WDR7: variants seen among roughly 807,000 people sequenced by gnomAD.
WDR7 encodes WD repeat domain 7.
Under a neutral mutation model 169.4 loss-of-function variants are expected in WDR7, and 46 were observed. The observed-to-expected ratio is 0.27, with a 90% CI of 0.21 to 0.35. WDR7 has a LOEUF of 0.35. WDR7 is among the 10% of genes least tolerant of loss of function. The pLI is 1.00. For synonymous variants in WDR7, 612 were observed against 666.8 expected (o/e 0.92, Z 1.27); for missense variants, 1,534 against 1,859.3 (o/e 0.83, Z 3.22).
chr18:56,850,585 C>T (rs1044713969), intron 20 of WDR7, among the ~76,000 whole-genome samples: 19 of 152,202 alleles, frequency 1.2e-4, no homozygotes, highest in Admixed American at 1.0e-3. Flanking sequence ...TCATGGCCCA[C>T]TGCAGCCTCA....
intron 16 of WDR7, among the ~76,000 whole-genome samples, chr18:56,759,521 ATAAT>A (rs1264813299): frequency 8.5e-5 from 13 of 152,190 alleles, no homozygotes; most frequent in Admixed American, 2.6e-4. Context: ...ATTCCTGAGT[ATAAT>A]TAATTAATAT....
chr18:56,700,252 C>CTTTTTTTTTTTTTTTTTTTTTTTTTTT (rs1226348026), intron 12 of WDR7, among the ~76,000 whole-genome samples: 1 of 67,234 alleles, frequency 1.5e-5, no homozygotes, highest in Non-Finnish European at 2.5e-5. Context: ...TTTTCATTTT[C>CTTTTTTTTTTTTTTTTTTTTTTTTTTT]TTTTTTTTTT....
At chr18:56,788,945 A>G (rs1221064025) in intron 19 of WDR7, among the ~76,000 whole-genome samples, 2 of 152,176 alleles carry the variant, frequency 1.3e-5, no homozygotes, top group African/African-American at 4.8e-5. Flanking sequence ...AAGACAAACT[A>G]TATTATGCAA....
At chr18:56,856,612 A>T (rs1016683238) in intron 20 of WDR7, among the ~76,000 whole-genome samples, 1 of 151,842 alleles carries the variant, frequency 6.6e-6, no homozygotes, top group Non-Finnish European at 1.5e-5. Context: ...AATGATCAAC[A>T]TTTTATTTAA....
At chr18:56,908,738 C>A (rs1033066827) in intron 21 of WDR7, among the ~76,000 whole-genome samples, 1 of 152,152 alleles carries the variant, frequency 6.6e-6, no homozygotes, top group Non-Finnish European at 1.5e-5. Flanking sequence ...CATGTAAACA[C>A]CCAGCACAGG....
At chr18:56,880,629 TAATA>T (rs1465682439) in intron 21 of WDR7, among the ~76,000 whole-genome samples, 4 of 152,202 alleles carry the variant, frequency 2.6e-5, no homozygotes, top group Admixed American at 6.5e-5. Flanking sequence ...ATGGGCATAT[TAATA>T]AATTTGTATA....
intron 16 of WDR7, among the ~76,000 whole-genome samples, chr18:56,767,156 T>C (rs1008510408): frequency 1.1e-4 from 16 of 152,230 alleles, no homozygotes; most frequent in Non-Finnish European, 1.9e-4. Flanking sequence ...GAATATCCAA[T>C]GCCCTGTGAA....
At chr18:57,018,472 G>A (rs752828799) in intron 26 of WDR7, among the ~76,000 whole-genome samples, 22 of 152,326 alleles carry the variant, frequency 1.4e-4, no homozygotes, top group Non-Finnish European at 3.1e-4. Context: ...CTGGACTGGT[G>A]AAGTGAAGAG....
chr18:56,945,380 G>A (rs1198311257), intron 25 of WDR7, among the ~76,000 whole-genome samples: 2 of 152,180 alleles, frequency 1.3e-5, no homozygotes, highest in African/African-American at 4.8e-5. Flanking sequence ...CAGTGTGACT[G>A]CCCTAGAATA....
At chr18:56,756,455 A>G (rs1321295886) in intron 14 of WDR7, 128 bp from the exon 15 acceptor site, 9 of 811,894 alleles carry the variant, frequency 1.1e-5, no homozygotes, top group Non-Finnish European at 1.6e-5. Context: ...GTTACTTTTC[A>G]TGATATAGGT....
At chr18:56,663,633 G>A (rs1788131) in intron 1 of WDR7, among the ~76,000 whole-genome samples, 686 of 3,062 alleles carry the variant, frequency 0.22, 9 homozygotes, top group Middle Eastern at 0.25. Context: ...CCACATATAT[G>A]CACAGCATAT....
chr18:56,907,964 T>A (rs1387122686), intron 21 of WDR7, among the ~76,000 whole-genome samples: 1 of 152,182 alleles, frequency 6.6e-6, no homozygotes, highest in Admixed American at 6.6e-5. Context: ...GAATGGCTTT[T>A]TGGCACTATC....
intron 20 of WDR7, among the ~76,000 whole-genome samples, chr18:56,876,122 C>T (rs556953963): frequency 2.6e-5 from 4 of 151,866 alleles, no homozygotes; most frequent in Non-Finnish European, 5.9e-5. Context: ...TGCCTTACCT[C>T]CAGTAATACA....
intron 14 of WDR7, among the ~76,000 whole-genome samples, chr18:56,755,596 T>C (rs12970813): frequency 0.088 from 13,321 of 152,048 alleles, 694 homozygotes; most frequent in East Asian, 0.19. Flanking sequence ...AACGTAAAAA[T>C]GTGAGGTAGG....
In WDR7 at chr18:56,958,236, C is replaced by A. The variant is rs192641859; in HGVS notation, c.4065-4194C>A. Among the ~76,000 whole-genome samples the A allele has an allele frequency of 3.7e-3, 562 of 152,252 alleles. 1 individual carries two copies. The highest frequency in any genetic ancestry group is 0.013 in the African/African-American group (535 of 41,548). ...CCATCCCTCTCCGGGGTTTTGTACA[C>A]CCCACTGTGGGTTGCTCCTCAATAG... is the stretch of plus-strand genomic sequence containing the variant. On this transcript the variant is annotated intron_variant, in intron 25 of 27. Transcript: ENST00000254442.
intron 7 of WDR7, among the ~76,000 whole-genome samples, chr18:56,690,926 TAGATAG>T (rs2025553332): frequency 6.6e-6 from 1 of 152,212 alleles, no homozygotes; most frequent in South Asian, 2.1e-4. Context: ...ATACTTTCAC[TAGATAG>T]AAAGTCTGAG....
intron 19 of WDR7, among the ~76,000 whole-genome samples, chr18:56,788,612 C>G (rs2044438388): frequency 6.6e-6 from 1 of 152,064 alleles, no homozygotes; most frequent in African/African-American, 2.4e-5. Context: ...GACTACTTTC[C>G]TATCTCCTTT....
At position 56,705,595 on chromosome 18, in the gene WDR7, T is replaced by C. The variant is rs2025930916; in HGVS notation, c.1578+9133T>C. ...GTTATGTGGAGGTGTCTGGAACAATTGATGTTTTCCTGACTAGTACCTGAT... is the reference window on the plus strand; with the variant it reads ...GTTATGTGGAGGTGTCTGGAACAATCGATGTTTTCCTGACTAGTACCTGAT... On this transcript the variant is annotated intron_variant, in intron 12 of 27. Transcript: ENST00000254442. Among the ~76,000 whole-genome samples the C allele has an allele frequency of 2.0e-5, 3 of 152,230 alleles. No homozygotes were observed. The South Asian group carries it at 6.2e-4, about 32-fold the overall frequency.
chr18:56,751,496 A>C (rs2043791241), intron 14 of WDR7, among the ~76,000 whole-genome samples: 1 of 152,228 alleles, frequency 6.6e-6, no homozygotes, highest in South Asian at 2.1e-4. Flanking sequence ...GCATCTGCCA[A>C]AGCACTGTGG....
Sources: allele counts gnomAD v4.1 joint callset (sites outside exome capture counted in the v4.1 genomes callset), GRCh38; gene constraint gnomAD v4.1.1; transcripts MANE v1.5; gene names NCBI Gene and HGNC (gene_info 2026-07-23, HGNC 2026-07-21).